GPSM2: variants seen among roughly 807,000 people sequenced by gnomAD.
GPSM2 encodes G protein-signaling modulator 2.
Under a neutral mutation model 78.4 loss-of-function variants are expected in GPSM2, and 58 were observed. The ratio of observed to expected loss-of-function variants is 0.74; its 90% CI spans 0.60 to 0.92. The LOEUF is 0.92. Ranked by LOEUF, GPSM2 falls within the 40% of genes least tolerant of loss-of-function variation. The pLI, the probability that GPSM2 is intolerant of heterozygous loss-of-function variation, is 0.00. For missense variants in GPSM2, 700 were observed against 815.5 expected, an observed-to-expected ratio of 0.86 and a Z score of 1.73; for synonymous variants, 224 against 280.2, an observed-to-expected ratio of 0.80 and a Z score of 2.00.
chr1:108,911,923 A>G (rs1389669376), intron 10 of GPSM2, among the ~76,000 whole-genome samples: 4 of 150,222 alleles, frequency 2.7e-5, no homozygotes, highest in South Asian at 2.1e-4. Context: ...TGCCCACCTC[A>G]GCCTCCTGAG....
chr1:108,898,829 C>T (rs1158729544), intron 6 of GPSM2, 50 bp from the exon 7 acceptor site: 2 of 1,600,202 alleles, frequency 1.2e-6, no homozygotes, highest in Non-Finnish European at 1.7e-6. Flanking sequence ...GTGATTAGAT[C>T]ATTCTTCAGT....
At chr1:108,906,903 C>T (rs752781167) in intron 10 of GPSM2, among the ~76,000 whole-genome samples, 9 of 152,164 alleles carry the variant, frequency 5.9e-5, no homozygotes, top group Admixed American at 2.0e-4. Flanking sequence ...ATCCTGCCAC[C>T]TCAGCCTTTC....
At chr1:108,889,940 T>C (rs1647851762) in intron 2 of GPSM2, among the ~76,000 whole-genome samples, 1 of 152,216 alleles carries the variant, frequency 6.6e-6, no homozygotes, top group Non-Finnish European at 1.5e-5. Context: ...TCTGGTTTCC[T>C]GCATGTCATG....
chr1:108,920,542 A>T (rs913179209), intron 12 of GPSM2, among the ~76,000 whole-genome samples: 23 of 150,492 alleles, frequency 1.5e-4, no homozygotes, highest in Admixed American at 3.3e-4. Context: ...TTTTTTTTTT[A>T]AATTAGAGAT....
chr1:108,880,593 A>AG (rs397935406), intron 1 of GPSM2, among the ~76,000 whole-genome samples: 5 of 152,008 alleles, frequency 3.3e-5, no homozygotes, highest in Non-Finnish European at 7.4e-5. Context: ...AAAAAAAAAA[A>AG]CAATGCTTAG....
intron 10 of GPSM2, among the ~76,000 whole-genome samples, chr1:108,907,190 G>T (rs947156824): frequency 6.6e-6 from 1 of 152,192 alleles, no homozygotes; most frequent in Admixed American, 6.5e-5. Context: ...TGAGGAGAAA[G>T]GATTTGTAAG....
intron 13 of GPSM2, 86 bp downstream of exon 13, chr1:108,922,662 A>G (rs1650810426): frequency 1.9e-6 from 2 of 1,078,656 alleles, no homozygotes; most frequent in Admixed American, 1.7e-5. Context: ...TTCCCATCAT[A>G]AGAGATATAA....
intron 12 of GPSM2, 58 bp downstream of exon 12, chr1:108,918,847 T>C: frequency 1.8e-6 from 2 of 1,094,252 alleles, no homozygotes; most frequent in Non-Finnish European, 1.4e-6. Context: ...TTGGGTTTTC[T>C]TGTATTCATG....
chr1:108,924,203 G>A lies in GPSM2; in HGVS notation c.1804G>A (p.Val602Ile). Reference protein sequence around the residue: ...EADEDFFDILVKCQGSRLDDQ... With the variant: ...EADEDFFDILIKCQGSRLDDQ... ...TGATGAAGATTTCTTTGACATCCTT[G>A]TAAAATGTCAAGTATGTCTGTATAT... Residue 602 changes from valine (V) to isoleucine (I), a missense_variant, in exon 14 of 15, where the codon GTA becomes ATA. Transcript: ENST00000264126. The A allele has an allele frequency of 6.2e-7, 1 of 1,605,588 alleles. No individual in the cohort carries two copies. The highest frequency in any genetic ancestry group is 1.7e-4 in the Middle Eastern group (1 of 6,048).
At chr1:108,885,888 G>T (rs1430950706) in intron 2 of GPSM2, among the ~76,000 whole-genome samples, 1 of 152,134 alleles carries the variant, frequency 6.6e-6, no homozygotes, top group Non-Finnish European at 1.5e-5. Flanking sequence ...GGGCTAAAAG[G>T]TGGATTTTTT....
chr1:108,925,122 C>A (rs902947903), intron 14 of GPSM2, among the ~76,000 whole-genome samples: 1 of 152,100 alleles, frequency 6.6e-6, no homozygotes, highest in African/African-American at 2.4e-5. Flanking sequence ...GAAAGAGAAT[C>A]AAGGATGACT....
chr1:108,891,095 T>G (rs1647934099), intron 2 of GPSM2, among the ~76,000 whole-genome samples: 1 of 152,212 alleles, frequency 6.6e-6, no homozygotes, highest in Non-Finnish European at 1.5e-5. Context: ...ATATATTGAT[T>G]ATATATGTGT....
Position 108,918,622 on chromosome 1 carries a change from TG to T in GPSM2, c.1275del (p.Trp425Ter), listed in dbSNP as rs1463587776. ...ATTTATAATTTTGTAGGTACAGAAC[TG>T]GAACAGTGAAATTCTTGCTAAGCAA... Reference protein sequence around the residue: ...MKLTPEKVQNWNSEILAKQKP... With the variant: ...MKLTPEKVQNXNSEILAKQKP... On this transcript the variant is annotated frameshift_variant, in exon 12 of 15. Coordinates refer to ENST00000264126, the MANE Select transcript of GPSM2 (RefSeq NM_013296.5). LOFTEE classifies it high-confidence loss of function. 6.2e-7 allele frequency: 1 copy of T among 1,612,604 alleles called. No individual in the cohort carries two copies.
chr1:108,903,545 G>A (rs1332388224), intron 9 of GPSM2, among the ~76,000 whole-genome samples: 4 of 152,120 alleles, frequency 2.6e-5, no homozygotes, highest in Non-Finnish European at 5.9e-5. Context: ...GAAAAGCATG[G>A]TTCTTAGAAT....
intron 10 of GPSM2, among the ~76,000 whole-genome samples, chr1:108,908,963 C>T (rs114177534): frequency 6.6e-6 from 1 of 151,594 alleles, no homozygotes. Flanking sequence ...ACAGGGAGAC[C>T]GCCATCTCTC....
chr1:108,881,250 T>C (rs1027222788), intron 1 of GPSM2, among the ~76,000 whole-genome samples: 1 of 152,226 alleles, frequency 6.6e-6, no homozygotes. Context: ...GGAGCATTGC[T>C]TGGAAGATGC....
chr1:108,886,003 T>A (rs1209166245), intron 2 of GPSM2, among the ~76,000 whole-genome samples: 1 of 151,978 alleles, frequency 6.6e-6, no homozygotes, highest in African/African-American at 2.4e-5. Context: ...TTGTAGTGTA[T>A]TGTTTTGATT....
intron 10 of GPSM2, among the ~76,000 whole-genome samples, chr1:108,906,173 A>C (rs1649202154): frequency 6.6e-6 from 1 of 152,056 alleles, no homozygotes; most frequent in South Asian, 2.1e-4. Context: ...TAGTATCACC[A>C]TTCACTCAAC....
At chr1:108,915,804 A>G (rs1650171364) in intron 11 of GPSM2, among the ~76,000 whole-genome samples, 1 of 152,190 alleles carries the variant, frequency 6.6e-6, no homozygotes, top group Non-Finnish European at 1.5e-5. Context: ...CATTACAGCA[A>G]CTTTAGAAAA....
Sources: allele counts gnomAD v4.1 joint callset (sites outside exome capture counted in the v4.1 genomes callset), GRCh38; gene constraint gnomAD v4.1.1; transcripts MANE v1.5; gene names NCBI Gene and HGNC (gene_info 2026-07-23, HGNC 2026-07-21).